Variants in SLC14A2 observed in about 807,000 individuals in gnomAD.
The protein encoded by SLC14A2 is solute carrier family 14 member 2.
A neutral mutation model predicts 104.6 loss-of-function variants in SLC14A2; 91 were observed. The ratio of observed to expected loss-of-function variants is 0.87; its 90% CI spans 0.73 to 1.04. The LOEUF is 1.04. Ranked by LOEUF, SLC14A2 falls within the 50% of genes least tolerant of loss-of-function variation. The pLI, the probability that SLC14A2 is intolerant of heterozygous loss-of-function variation, is 0.00. For missense variants in SLC14A2, 1,189 were observed against 1,156.0 expected, an observed-to-expected ratio of 1.03 and a Z score of -0.41; for synonymous variants, 476 against 466.4, an observed-to-expected ratio of 1.02 and a Z score of -0.27.
At chr18:45,488,806 A>G (rs531849577) in intron 2 of SLC14A2, among the ~76,000 whole-genome samples, 3 of 152,312 alleles carry the variant, frequency 2.0e-5, no homozygotes, top group African/African-American at 7.2e-5. Flanking sequence ...CACACTCAGC[A>G]AGGAAGGTAC....
At chr18:45,323,716 C>T (rs1197928810) in intron 1 of SLC14A2, among the ~76,000 whole-genome samples, 3 of 152,168 alleles carry the variant, frequency 2.0e-5, no homozygotes, top group South Asian at 4.2e-4. Flanking sequence ...CTAGCACTTC[C>T]TGTGTGCCAC....
chr18:45,637,588 T>A (rs1042887415), intron 6 of SLC14A2, among the ~76,000 whole-genome samples: 1 of 152,116 alleles, frequency 6.6e-6, no homozygotes, highest in African/African-American at 2.4e-5. Flanking sequence ...AAAATTGGGA[T>A]TTTAAAGGCA....
At chr18:45,466,017 C>T (rs2087135143) in intron 1 of SLC14A2, among the ~76,000 whole-genome samples, 1 of 152,088 alleles carries the variant, frequency 6.6e-6, no homozygotes, top group Non-Finnish European at 1.5e-5. Context: ...TTGGGTTAAA[C>T]TATAGATTTT....
chr18:45,317,091 A>G (rs1466873566), intron 1 of SLC14A2, among the ~76,000 whole-genome samples: 1 of 152,210 alleles, frequency 6.6e-6, no homozygotes, highest in East Asian at 1.9e-4. Flanking sequence ...CAGCTTTCTA[A>G]TACCTCCTCT....
At chr18:45,472,447 G>A (rs956301665) in intron 1 of SLC14A2, among the ~76,000 whole-genome samples, 4 of 152,108 alleles carry the variant, frequency 2.6e-5, no homozygotes, top group South Asian at 2.1e-4. Flanking sequence ...TTGAGGAATC[G>A]CCACACTGTC....
chr18:45,608,399 C>T (rs537021192), intron 2 of SLC14A2, among the ~76,000 whole-genome samples: 86 of 152,300 alleles, frequency 5.6e-4, no homozygotes, highest in African/African-American at 2.0e-3. Context: ...TCTCACCATC[C>T]CTGCCTCATG....
At chr18:45,250,449 CTTTG>C (rs1383282116) in intron 1 of SLC14A2, among the ~76,000 whole-genome samples, 69 of 152,054 alleles carry the variant, frequency 4.5e-4, no homozygotes, top group African/African-American at 1.5e-3. Flanking sequence ...ATTTTCTCCT[CTTTG>C]TTCTCTTTTT....
intron 2 of SLC14A2, among the ~76,000 whole-genome samples, chr18:45,500,119 G>A (rs910373782): frequency 5.9e-5 from 9 of 152,098 alleles, no homozygotes; most frequent in African/African-American, 1.9e-4. Context: ...TTTTAAAAGG[G>A]GGCATGGAGA....
chr18:45,189,146 G>A, the SLC14A2 span, among the ~76,000 whole-genome samples: 20 of 152,306 alleles, frequency 1.3e-4, no homozygotes, highest in South Asian at 2.7e-3. Context: ...TGGATGTGAT[G>A]TGTGATGAAA....
chr18:45,665,511 G>A (rs2046003880), intron 11 of SLC14A2, among the ~76,000 whole-genome samples: 1 of 151,866 alleles, frequency 6.6e-6, no homozygotes, highest in Admixed American at 6.6e-5. Flanking sequence ...AATCCCACCA[G>A]CCATTGCTAC....
At chr18:45,371,783 A>G (rs1202039357) in intron 1 of SLC14A2, among the ~76,000 whole-genome samples, 1 of 152,184 alleles carries the variant, frequency 6.6e-6, no homozygotes, top group Admixed American at 6.5e-5. Flanking sequence ...TTCATATCTG[A>G]TTATTTTCTT....
At chr18:45,412,939 T>C (rs2086230095) in intron 1 of SLC14A2, among the ~76,000 whole-genome samples, 1 of 152,166 alleles carries the variant, frequency 6.6e-6, no homozygotes, top group Non-Finnish European at 1.5e-5. Context: ...GATCTTCTGG[T>C]TTTTCAAGAG....
rs112251085 is a variant in SLC14A2, at chr18:45,300,645, T to C, written c.-125+87454T>C. Among the ~76,000 whole-genome samples, 8 of 152,352 alleles carry C rather than the reference T, an allele frequency of 5.3e-5. 1 individual carries two copies. The highest frequency in any genetic ancestry group is 1.7e-4 in the African/African-American group (7 of 41,590). On this transcript the variant is annotated intron_variant, in intron 1 of 20. Transcript: ENST00000586448. The stretch of plus-strand genomic sequence containing the variant: ...ATAAATAAAAATAATTGATAGCTAA[T>C]GTTGACTTACTTTAATCTTATAAAC...
intron 10 of SLC14A2, among the ~76,000 whole-genome samples, chr18:45,653,737 A>G (rs1178642514): frequency 6.6e-6 from 1 of 152,094 alleles, no homozygotes; most frequent in Admixed American, 6.6e-5. Context: ...AGCAGGAATC[A>G]GAAGGAAGAA....
At chr18:45,508,411 G>T (rs917733896) in intron 2 of SLC14A2, among the ~76,000 whole-genome samples, 1 of 151,726 alleles carries the variant, frequency 6.6e-6, no homozygotes, top group African/African-American at 2.4e-5. Context: ...GAGATCTGAT[G>T]ATTTTAAAAA....
chr18:45,235,973 ATG>A (rs1447997472), intron 1 of SLC14A2, among the ~76,000 whole-genome samples: 4 of 83,772 alleles, frequency 4.8e-5, no homozygotes, highest in Non-Finnish European at 8.8e-5. Flanking sequence ...ATATACATAT[ATG>A]TGTGTATATA....
intron 2 of SLC14A2, among the ~76,000 whole-genome samples, chr18:45,571,950 T>C (rs2144337892): frequency 6.6e-6 from 1 of 152,314 alleles, no homozygotes; most frequent in East Asian, 1.9e-4. Flanking sequence ...TGGCTGCACA[T>C]TAGATCCACC....
intron 1 of SLC14A2, among the ~76,000 whole-genome samples, chr18:45,478,334 A>G (rs186439223): frequency 1.2e-3 from 177 of 152,268 alleles, no homozygotes; most frequent in African/African-American, 4.0e-3. Context: ...ACCAGTCCCA[A>G]TGAGATGAGC....
At chr18:45,633,486 G>A (rs996360086) in intron 5 of SLC14A2, among the ~76,000 whole-genome samples, 3 of 152,204 alleles carry the variant, frequency 2.0e-5, no homozygotes, top group Admixed American at 6.5e-5. Flanking sequence ...TTCACCTAGC[G>A]AAGGGTGTGC....
Sources: allele counts gnomAD v4.1 joint callset (sites outside exome capture counted in the v4.1 genomes callset), GRCh38; gene constraint gnomAD v4.1.1; transcripts MANE v1.5; gene names NCBI Gene and HGNC (gene_info 2026-07-23, HGNC 2026-07-21).